The following RBFOX1 variants were observed in gnomAD, a reference collection of about 807,000 sequenced individuals.
The protein encoded by RBFOX1 is RNA binding fox-1 homolog 1.
In RBFOX1, 8 loss-of-function variants were observed where a neutral mutation model predicts 57.7. That is an observed-to-expected ratio of 0.14 (90% CI 0.08 to 0.25). The LOEUF (loss-of-function observed/expected upper bound fraction) is 0.25. Ranked by LOEUF, RBFOX1 falls within the 10% of genes least tolerant of loss-of-function variation. The probability of loss-of-function intolerance (pLI) is 1.00; values close to 1 mark genes in which losing one functional copy is unlikely to be tolerated. For synonymous variants in RBFOX1, 326 were observed against 222.4 expected, an observed-to-expected ratio of 1.47 and a Z score of -4.15; for missense variants, 611 against 548.5, an observed-to-expected ratio of 1.11 and a Z score of -1.14.
intron 4 of RBFOX1, chr16:7,333,048 T>C (rs1568254953): frequency 6.2e-7 from 1 of 1,613,936 alleles, no homozygotes. Context: ...GGCGTGCCTA[T>C]GATTGTACCG....
rs1328428953 is a variant in RBFOX1, at chr16:7,472,431, C to T, written c.28-45716C>T. Among the ~76,000 whole-genome samples, 5 of 152,330 alleles carry T rather than the reference C, an allele frequency of 3.3e-5. No homozygotes were observed. The South Asian group carries it at 1.0e-3, about 32-fold the overall frequency. ...AACTTAACTCATTTGGAAGTCAATT[C>T]TTTCCAGTGTGGCTGAACTATAAGT... On this transcript the variant is annotated intron_variant, in intron 4 of 15. Transcript: ENST00000550418.
At chr16:5,460,937 G>A (rs1167947855) in intron 1 of RBFOX1, among the ~76,000 whole-genome samples, 1 of 152,164 alleles carries the variant, frequency 6.6e-6, no homozygotes, top group Non-Finnish European at 1.5e-5. Flanking sequence ...AAGGGGGGTG[G>A]GTGGTGAAGG....
At chr16:5,296,097 G>T (rs1164173796) in intron 1 of RBFOX1, among the ~76,000 whole-genome samples, 1 of 152,170 alleles carries the variant, frequency 6.6e-6, no homozygotes, top group South Asian at 2.1e-4. Context: ...AGCTTCTCCT[G>T]TGTTGTTCTC....
intron 4 of RBFOX1, among the ~76,000 whole-genome samples, chr16:7,107,303 C>G (rs1599689073): frequency 6.6e-6 from 1 of 152,158 alleles, no homozygotes; most frequent in East Asian, 1.9e-4. Context: ...TAAATGCCTT[C>G]TGGGGCAGAC....
intron 1 of RBFOX1, among the ~76,000 whole-genome samples, chr16:5,281,439 C>T (rs946175915): frequency 1.3e-5 from 2 of 152,114 alleles, no homozygotes; most frequent in African/African-American, 4.8e-5. Flanking sequence ...ACTGTTAGGT[C>T]CATTTGGTCT....
intron 2 of RBFOX1, among the ~76,000 whole-genome samples, chr16:6,569,675 C>G (rs552365323): frequency 6.6e-6 from 1 of 152,272 alleles, no homozygotes; most frequent in South Asian, 2.1e-4. Context: ...TCTGTGGGAA[C>G]CCATCCTGTG....
At chr16:5,416,401 G>T (rs1330271763) in intron 1 of RBFOX1, among the ~76,000 whole-genome samples, 1 of 152,078 alleles carries the variant, frequency 6.6e-6, no homozygotes, top group African/African-American at 2.4e-5. Flanking sequence ...TGACCTCAGT[G>T]ATCTAGTGGA....
chr16:5,802,056 C>G (rs747846336), intron 3 of RBFOX1, among the ~76,000 whole-genome samples: 6 of 152,094 alleles, frequency 3.9e-5, no homozygotes, highest in Non-Finnish European at 5.9e-5. Flanking sequence ...TAGATTAAAT[C>G]TGATTCGCAG....
chr16:6,767,926 T>TAAGAAG (rs1266863896), intron 3 of RBFOX1, among the ~76,000 whole-genome samples: 80 of 76,400 alleles, frequency 1.0e-3, no homozygotes, highest in Middle Eastern at 6.0e-3. Context: ...ATAATAATAA[T>TAAGAAG]AATAATAATA....
intron 10 of RBFOX1, among the ~76,000 whole-genome samples, chr16:7,623,885 C>A (rs927928877): frequency 6.6e-6 from 1 of 152,128 alleles, no homozygotes. Flanking sequence ...TTAAGGCCCA[C>A]CCATATGACC....
rs543898303 is a variant in RBFOX1, at chr16:6,371,227, C to G, written c.-64+54170C>G. Among the ~76,000 whole-genome samples, 3 of 152,254 alleles carry G rather than the reference C, an allele frequency of 2.0e-5. No individual in the cohort carries two copies. In the East Asian group the frequency reaches 5.8e-4, roughly 29 times the overall value. On this transcript the variant is annotated intron_variant, in intron 2 of 15. Transcript: ENST00000550418. Reference sequence around the variant, plus strand: ...GACTTTTAAAATACCGATTTGTCATCAATCCTTCATTCACTAGTTTTACCA... The same window carrying G: ...GACTTTTAAAATACCGATTTGTCATGAATCCTTCATTCACTAGTTTTACCA...
At chr16:6,136,881 C>T (rs759856195) in intron 1 of RBFOX1, among the ~76,000 whole-genome samples, 1 of 152,102 alleles carries the variant, frequency 6.6e-6, no homozygotes, top group Non-Finnish European at 1.5e-5. Flanking sequence ...GAAGCTATTT[C>T]AGTTTTCTGA....
intron 4 of RBFOX1, among the ~76,000 whole-genome samples, chr16:7,184,642 G>C (rs1437492543): frequency 2.0e-5 from 3 of 151,602 alleles, no homozygotes; most frequent in Non-Finnish European, 2.9e-5. Flanking sequence ...AGTATACCAT[G>C]CTTGATCACA....
chr16:7,501,786 T>A (rs1046433799), intron 4 of RBFOX1, among the ~76,000 whole-genome samples: 2 of 152,198 alleles, frequency 1.3e-5, no homozygotes, highest in East Asian at 3.8e-4. Flanking sequence ...ACCTGATAAA[T>A]CATTTTGTTT....
intron 4 of RBFOX1, among the ~76,000 whole-genome samples, chr16:7,452,492 C>T (rs1177493803): frequency 6.6e-6 from 1 of 152,158 alleles, no homozygotes; most frequent in African/African-American, 2.4e-5. Flanking sequence ...ACAGAAAGTA[C>T]CTTTTCTCTC....
chr16:7,689,938 T>C (rs1044726404), intron 14 of RBFOX1, among the ~76,000 whole-genome samples: 3 of 152,068 alleles, frequency 2.0e-5, no homozygotes, highest in Non-Finnish European at 2.9e-5. Context: ...GGTTGCATAG[T>C]CTAAAACCTA....
chr16:7,483,376 A>C (rs1370678211), intron 4 of RBFOX1, among the ~76,000 whole-genome samples: 4 of 152,196 alleles, frequency 2.6e-5, no homozygotes, highest in Non-Finnish European at 5.9e-5. Flanking sequence ...CAAGTTATTT[A>C]TCTCTTCTAG....
At chr16:7,707,640 T>A (rs1249120655) in intron 14 of RBFOX1, among the ~76,000 whole-genome samples, 7 of 152,112 alleles carry the variant, frequency 4.6e-5, no homozygotes, top group Non-Finnish European at 1.0e-4. Flanking sequence ...AATTGCCCCA[T>A]GTCAGAGGAA....
chr16:7,661,513 C>G (rs545222802), intron 12 of RBFOX1, among the ~76,000 whole-genome samples: 2 of 152,306 alleles, frequency 1.3e-5, no homozygotes, highest in Admixed American at 6.5e-5. Context: ...CTTAGCCTCT[C>G]TCGTCTCTGC....
Sources: gnomAD v4.1 joint callset for allele counts (sites outside exome capture counted in the v4.1 genomes callset) on GRCh38, gnomAD v4.1.1 for gene constraint, MANE v1.5 for transcripts, NCBI Gene and HGNC (gene_info 2026-07-23, HGNC 2026-07-21) for gene names.